Variants in SLC4A4 observed in about 807,000 individuals in gnomAD.
SLC4A4 encodes the protein solute carrier family 4 member 4.
Under a neutral mutation model 111.5 loss-of-function variants are expected in SLC4A4, and 27 were observed. The ratio of observed to expected loss-of-function variants is 0.24; its 90% CI spans 0.18 to 0.33. The LOEUF is 0.33. Ranked by LOEUF, SLC4A4 falls within the 10% of genes least tolerant of loss-of-function variation. SLC4A4 has a pLI of 1.00. For missense variants in SLC4A4, 909 were observed against 1,315.5 expected (o/e 0.69, Z 4.78); for synonymous variants, 443 against 463.4 (o/e 0.96, Z 0.57).
rs547675617 is a variant in SLC4A4 at position 71,419,393 on chromosome 4, A to G, written c.808-21223A>G. Reference sequence around the variant, plus strand: ...GCTTTGTTTACCTAAGCAAGCCTGGACAATGGCAGGCGCCCCTCCCCCAGC... The same window carrying G: ...GCTTTGTTTACCTAAGCAAGCCTGGGCAATGGCAGGCGCCCCTCCCCCAGC... On this transcript the variant is annotated intron_variant, in intron 7 of 25. Transcript: ENST00000264485. 2.4e-4 allele frequency among the ~76,000 whole-genome samples: 36 copies of G among 152,340 alleles called. 1 individual carries two copies. The highest frequency in any genetic ancestry group is 2.6e-4 in the Admixed American group (4 of 15,300).
intron 3 of SLC4A4, among the ~76,000 whole-genome samples, chr4:71,290,703 G>A (rs1560852508): frequency 6.6e-6 from 1 of 152,202 alleles, no homozygotes; most frequent in Non-Finnish European, 1.5e-5. Flanking sequence ...GAAAGGAATT[G>A]AGGTTAGATT....
At chr4:71,087,118 C>T (rs184297096) in intron 1 of SLC4A4, among the ~76,000 whole-genome samples, 377 of 152,092 alleles carry the variant, frequency 2.5e-3, no homozygotes, top group Non-Finnish European at 3.7e-3. Context: ...TCAACTTCTT[C>T]CTGGTTTAGT....
intron 15 of SLC4A4, among the ~76,000 whole-genome samples, chr4:71,487,274 G>A (rs562738794): frequency 6.6e-5 from 10 of 151,246 alleles, no homozygotes; most frequent in Non-Finnish European, 1.5e-4. Context: ...AAACTTCTTA[G>A]AATTTAACTG....
At chr4:71,123,393 G>T (rs1743485580) in intron 2 of SLC4A4, among the ~76,000 whole-genome samples, 1 of 152,128 alleles carries the variant, frequency 6.6e-6, no homozygotes, top group South Asian at 2.1e-4. Context: ...ATTGTCATTG[G>T]ATTTCTCAAA....
intron 7 of SLC4A4, among the ~76,000 whole-genome samples, chr4:71,422,238 A>G (rs1347787985): frequency 2.1e-5 from 3 of 144,062 alleles, no homozygotes; most frequent in Non-Finnish European, 3.0e-5. Context: ...AAAATCTAGA[A>G]GAAATGGATA....
At chr4:71,245,049 G>A (rs574406019) in intron 2 of SLC4A4, among the ~76,000 whole-genome samples, 1 of 152,218 alleles carries the variant, frequency 6.6e-6, no homozygotes, top group Admixed American at 6.5e-5. Context: ...AGACCTAAAA[G>A]AGGAAAAGGA....
chr4:71,547,447 T>C (rs1158122215), intron 19 of SLC4A4, among the ~76,000 whole-genome samples: 2 of 152,048 alleles, frequency 1.3e-5, no homozygotes, highest in South Asian at 2.1e-4. Context: ...AAATCACATA[T>C]TGCAGTCACT....
At chr4:71,474,110 A>G (rs991549353) in intron 14 of SLC4A4, among the ~76,000 whole-genome samples, 2 of 78,752 alleles carry the variant, frequency 2.5e-5, no homozygotes, top group African/African-American at 6.9e-5. Context: ...GAGTAGCAAG[A>G]CCCTGTCAAA....
intron 2 of SLC4A4, among the ~76,000 whole-genome samples, chr4:71,138,528 T>A (rs984245742): frequency 6.6e-6 from 1 of 152,224 alleles, no homozygotes; most frequent in Non-Finnish European, 1.5e-5. Context: ...ACTCGGTTCA[T>A]ATTATCTTCA....
At chr4:71,440,215 A>T (rs889566013) in intron 7 of SLC4A4, among the ~76,000 whole-genome samples, 4 of 152,124 alleles carry the variant, frequency 2.6e-5, no homozygotes, top group African/African-American at 9.7e-5. Context: ...CTCTGTGGTA[A>T]TATGAGTCTA....
intron 6 of SLC4A4, among the ~76,000 whole-genome samples, chr4:71,369,532 G>A (rs1377741772): frequency 6.6e-6 from 1 of 152,138 alleles, no homozygotes; most frequent in Non-Finnish European, 1.5e-5. Flanking sequence ...GTCTCTGAAG[G>A]TGGTTTGAAA....
intron 8 of SLC4A4, among the ~76,000 whole-genome samples, chr4:71,446,494 T>C (rs1054034338): frequency 4.6e-5 from 7 of 152,152 alleles, no homozygotes; most frequent in Non-Finnish European, 1.0e-4. Context: ...GGCAGAAATA[T>C]GTGGTGAAAA....
intron 7 of SLC4A4, among the ~76,000 whole-genome samples, chr4:71,407,045 G>A (rs1294092433): frequency 1.3e-5 from 2 of 152,088 alleles, no homozygotes; most frequent in Non-Finnish European, 2.9e-5. Flanking sequence ...AAATGATAGA[G>A]CTGCATCCTG....
intron 7 of SLC4A4, among the ~76,000 whole-genome samples, chr4:71,415,246 C>T (rs1721730471): frequency 6.6e-6 from 1 of 152,146 alleles, no homozygotes. Context: ...TTTTAAAGTT[C>T]AGATGATTGT....
chr4:71,292,474 A>G (rs1057285413), intron 3 of SLC4A4, among the ~76,000 whole-genome samples: 1 of 152,178 alleles, frequency 6.6e-6, no homozygotes, highest in Non-Finnish European at 1.5e-5. Context: ...AGATTTTCAT[A>G]TCTCTGCAAT....
chr4:71,435,032 A>T (rs1299929602), intron 7 of SLC4A4, among the ~76,000 whole-genome samples: 1 of 152,150 alleles, frequency 6.6e-6, no homozygotes, highest in Non-Finnish European at 1.5e-5. Context: ...TTCCCATCAA[A>T]CTACCACTGA....
chr4:71,302,597 C>T (rs866846583), intron 3 of SLC4A4, among the ~76,000 whole-genome samples: 2 of 152,154 alleles, frequency 1.3e-5, no homozygotes, highest in African/African-American at 4.8e-5. Context: ...CTTTGATGTG[C>T]GCTACCTGCA....
chr4:71,121,254 A>C (rs1743413297), intron 2 of SLC4A4, among the ~76,000 whole-genome samples: 1 of 142,906 alleles, frequency 7.0e-6, no homozygotes, highest in Admixed American at 6.9e-5. Flanking sequence ...ATGCTGCCCG[A>C]GACTCCCCAA....
intron 3 of SLC4A4, among the ~76,000 whole-genome samples, chr4:71,290,917 A>G (rs1254779700): frequency 6.6e-6 from 1 of 152,228 alleles, no homozygotes; most frequent in Non-Finnish European, 1.5e-5. Context: ...AGCTTGGAGT[A>G]TTTGTCAGAG....
Sources: allele counts gnomAD v4.1 joint callset (sites outside exome capture counted in the v4.1 genomes callset), GRCh38; gene constraint gnomAD v4.1.1; transcripts MANE v1.5; gene names NCBI Gene and HGNC (gene_info 2026-07-23, HGNC 2026-07-21).